Variants in DNAJB14 observed in about 807,000 individuals in gnomAD.
DNAJB14 encodes the protein DnaJ heat shock protein family (Hsp40) member B14, also known as dnaJ homolog subfamily B member 14.
A neutral mutation model predicts 48.4 loss-of-function variants in DNAJB14; 22 were observed. That is an observed-to-expected ratio of 0.45 (90% CI 0.32 to 0.65). The LOEUF is 0.65. DNAJB14 is among the 30% of genes least tolerant of loss of function. The probability of loss-of-function intolerance (pLI) is 0.03; values close to 1 mark genes in which losing one functional copy is unlikely to be tolerated. For missense variants in DNAJB14, 319 were observed against 458.8 expected, an observed-to-expected ratio of 0.70 and a Z score of 2.78; for synonymous variants, 142 against 158.7, an observed-to-expected ratio of 0.89 and a Z score of 0.79.
At chr4:99,913,211 T>C (rs1342345959) in intron 3 of DNAJB14, among the ~76,000 whole-genome samples, 1 of 152,216 alleles carries the variant, frequency 6.6e-6, no homozygotes, top group Non-Finnish European at 1.5e-5. Flanking sequence ...TACTACTTCC[T>C]GCACTTTGTT....
At chr4:99,945,388 T>C (rs1727032617) in intron 1 of DNAJB14, among the ~76,000 whole-genome samples, 1 of 152,188 alleles carries the variant, frequency 6.6e-6, no homozygotes, top group Non-Finnish European at 1.5e-5. Context: ...CATATTTTCA[T>C]TAATAATTTT....
intron 3 of DNAJB14, among the ~76,000 whole-genome samples, chr4:99,917,591 A>C (rs1725902364): frequency 6.6e-6 from 1 of 152,178 alleles, no homozygotes; most frequent in African/African-American, 2.4e-5. Flanking sequence ...TCTCCTCTTG[A>C]TATTTCAAGA....
At chr4:99,913,009 G>A (rs1725719165) in intron 3 of DNAJB14, among the ~76,000 whole-genome samples, 1 of 152,052 alleles carries the variant, frequency 6.6e-6, no homozygotes, top group African/African-American at 2.4e-5. Context: ...AAATAGAAAT[G>A]CAATTAATTT....
At chr4:99,946,176 C>T (rs62306064) in intron 1 of DNAJB14, among the ~76,000 whole-genome samples, 5,560 of 152,334 alleles carry the variant, frequency 0.036, 151 homozygotes, top group Middle Eastern at 0.12. Context: ...GAAACCCGGA[C>T]ATTTAGGACA....
At chr4:99,922,850 T>G (rs1004805977) in intron 3 of DNAJB14, 190 bp downstream of exon 3, 2 of 555,496 alleles carry the variant, frequency 3.6e-6, no homozygotes, top group Admixed American at 3.7e-5. Flanking sequence ...GTTGCTTTTG[T>G]GAAGCCAAAC....
At chr4:99,945,302 T>C (rs893365925) in intron 1 of DNAJB14, among the ~76,000 whole-genome samples, 3 of 152,078 alleles carry the variant, frequency 2.0e-5, no homozygotes, top group African/African-American at 4.8e-5. Flanking sequence ...ATGGAAAGGA[T>C]AGAGAGAAAA....
chr4:99,914,476 A>G (rs1249817214), intron 3 of DNAJB14, among the ~76,000 whole-genome samples: 1 of 152,040 alleles, frequency 6.6e-6, no homozygotes, highest in Admixed American at 6.6e-5. Context: ...GGGGAACATC[A>G]CACACTGGGG....
chr4:99,942,419 A>G (rs1024432492), intron 1 of DNAJB14: 1 of 152,230 alleles, frequency 6.6e-6, no homozygotes, highest in East Asian at 1.9e-4. Context: ...CTGAAAATCC[A>G]GAACATATCA....
intron 3 of DNAJB14, among the ~76,000 whole-genome samples, chr4:99,922,040 A>G (rs1726081079): frequency 6.6e-6 from 1 of 152,208 alleles, no homozygotes; most frequent in African/African-American, 2.4e-5. Context: ...TACTTTCAAC[A>G]TGCCACTTTT....
rs549270519 is a variant in DNAJB14 at position 99,923,143 on chromosome 4, C to T, written c.348G>A (p.Thr116=). 17 of 1,612,574 alleles carry T rather than the reference C, an allele frequency of 1.1e-5. No individual in the cohort carries two copies. Among genetic ancestry groups the T allele is most frequent in the South Asian group, 2.2e-5 (2 of 90,938 alleles). ...CKNYYEVLGV[T]KDAGDEDLKK... The stretch of plus-strand genomic sequence containing the variant: ...TCAAATCTTCATCACCAGCATCTTT[C>T]GTAACTCCAAGTACTTCATAGTAAT... Residue 116 remains threonine (T), a synonymous_variant, in exon 3 of 8, where the codon ACG becomes ACA. Transcript: ENST00000442697.
intron 3 of DNAJB14, among the ~76,000 whole-genome samples, chr4:99,909,517 T>C (rs1369943375): frequency 6.6e-6 from 1 of 152,076 alleles, no homozygotes; most frequent in Non-Finnish European, 1.5e-5. Context: ...TATGTTTTCA[T>C]GGCAATATCC....
intron 1 of DNAJB14, among the ~76,000 whole-genome samples, chr4:99,933,468 T>A (rs1310665887): frequency 6.7e-6 from 1 of 148,920 alleles, no homozygotes. Flanking sequence ...AATTTTTTGA[T>A]TTTTTTTTTA....
Position 99,905,726 on chromosome 4 carries a change from A to T in DNAJB14, c.733-20T>A. The T allele has an allele frequency of 6.2e-7, 1 of 1,600,194 alleles. No individual in the cohort carries two copies. Among genetic ancestry groups the T allele is most frequent in the East Asian group, 2.2e-5 (1 of 44,724 alleles). On this transcript the variant is annotated intron_variant, in intron 5 of 7. Coordinates refer to ENST00000442697, the MANE Select transcript of DNAJB14 (RefSeq NM_001031723.4). ...ACCTCCCTATAAAAAATGATCAAAG[A>T]ATAACAAATTGTAATATAACTGTAG...
At position 99,900,844 on chromosome 4, in the gene DNAJB14, C is replaced by G. The variant is rs1329950500; in HGVS notation, c.*184G>C. The G allele has an allele frequency of 1.1e-5, 5 of 451,362 alleles. No homozygotes were observed. Among genetic ancestry groups the G allele is most frequent in the African/African-American group, 4.1e-5 (2 of 49,056 alleles). The allele number at this position is 451,362 out of a possible 1,614,324, so 28.0% of individuals were successfully genotyped here. A position where few individuals can be genotyped will look rare whatever the true frequency, so the allele number is the denominator to read the frequency against. ...TTGTAGAAGCGTTAACTAAAATATT[C>G]CATTTTAGTTTTCAGTTACTATTTA... On this transcript the variant is annotated 3_prime_UTR_variant, in exon 8 of 8. Transcript: ENST00000442697.
chr4:99,931,117 T>A (rs930332659), intron 1 of DNAJB14, among the ~76,000 whole-genome samples: 6 of 152,076 alleles, frequency 3.9e-5, no homozygotes, highest in Non-Finnish European at 8.8e-5. Context: ...TTCCAACAAA[T>A]AGAAAATTTA....
At chr4:99,936,724 C>A (rs1726688557) in intron 1 of DNAJB14, among the ~76,000 whole-genome samples, 1 of 152,168 alleles carries the variant, frequency 6.6e-6, no homozygotes, top group Non-Finnish European at 1.5e-5. Context: ...CCAAAAGACA[C>A]AGGAGCCAGC....
At chr4:99,925,153 C>A (rs1355574905) in intron 2 of DNAJB14, 36 of 247,078 alleles carry the variant, frequency 1.5e-4, no homozygotes, top group South Asian at 2.4e-4. Context: ...TACATACAAC[C>A]TTTACACATC....
chr4:99,909,481 A>C (rs1030889844), intron 3 of DNAJB14, among the ~76,000 whole-genome samples: 2 of 151,994 alleles, frequency 1.3e-5, no homozygotes, highest in Non-Finnish European at 2.9e-5. Context: ...TAAAACAGTA[A>C]ACTCCATAAA....
At chr4:99,932,715 CA>C (rs1726521052) in intron 1 of DNAJB14, among the ~76,000 whole-genome samples, 1 of 152,078 alleles carries the variant, frequency 6.6e-6, no homozygotes, top group Non-Finnish European at 1.5e-5. Flanking sequence ...ACATTATTCA[CA>C]ATGGCAAAAA....
Sources: gnomAD v4.1 joint callset for allele counts (sites outside exome capture counted in the v4.1 genomes callset) on GRCh38, gnomAD v4.1.1 for gene constraint, MANE v1.5 for transcripts, NCBI Gene and HGNC (gene_info 2026-07-23, HGNC 2026-07-21) for gene names.